The following FOXP1 variants were observed in gnomAD, a reference collection of about 807,000 sequenced individuals.
FOXP1 encodes the protein forkhead box P1, also known as forkhead box protein P1.
A neutral mutation model predicts 98.2 loss-of-function variants in FOXP1; 15 were observed. The observed-to-expected ratio is 0.15, with a 90% CI of 0.10 to 0.24. The LOEUF is 0.24. Among genes scored for constraint, FOXP1 ranks in the 10% least tolerant of loss-of-function variants. The pLI is 1.00. For synonymous variants in FOXP1, 371 were observed against 314.5 expected (o/e 1.18, Z -1.90); for missense variants, 633 against 848.5 (o/e 0.75, Z 3.15).
intron 7 of FOXP1, among the ~76,000 whole-genome samples, chr3:71,097,436 G>A (rs963558836): frequency 6.6e-6 from 1 of 152,076 alleles, no homozygotes; most frequent in African/African-American, 2.4e-5. Context: ...TCACTATCTG[G>A]CTCTTTACAG....
At chr3:71,032,134 G>A (rs1576311608) in intron 11 of FOXP1, among the ~76,000 whole-genome samples, 1 of 152,244 alleles carries the variant, frequency 6.6e-6, no homozygotes. Context: ...CGCAGTACCC[G>A]CCCGGCGCAG....
Position 71,058,233 on chromosome 3 carries a change from T to C in FOXP1, c.283-4460A>G, listed in dbSNP as rs184483830. On this transcript the variant is annotated intron_variant, in intron 7 of 20. Transcript: ENST00000649528. Reference sequence around the variant, plus strand: ...ATTTTCTTCTCTCTTCAGTTTACACTCCAGTCAACTACAAGTAAATACTAC... The same window carrying C: ...ATTTTCTTCTCTCTTCAGTTTACACCCCAGTCAACTACAAGTAAATACTAC... Among the ~76,000 whole-genome samples, 668 of 152,296 alleles carry C rather than the reference T, an allele frequency of 4.4e-3. 4 individuals carry two copies. Among genetic ancestry groups the C allele is most frequent in the African/African-American group, 0.016 (647 of 41,566 alleles).
chr3:71,242,666 T>G (rs903745125), intron 5 of FOXP1, among the ~76,000 whole-genome samples: 1 of 152,034 alleles, frequency 6.6e-6, no homozygotes, highest in African/African-American at 2.4e-5. Flanking sequence ...ATTGTCCCAT[T>G]TCTTAACAAC....
intron 3 of FOXP1, among the ~76,000 whole-genome samples, chr3:71,394,028 G>A (rs974274978): frequency 1.3e-5 from 2 of 152,136 alleles, no homozygotes; most frequent in Non-Finnish European, 2.9e-5. Context: ...AAATGTCTGC[G>A]GAGCAGAGCA....
chr3:71,078,235 T>G (rs982704001), intron 7 of FOXP1, among the ~76,000 whole-genome samples: 2 of 152,238 alleles, frequency 1.3e-5, no homozygotes, highest in Admixed American at 6.5e-5. Flanking sequence ...AAGGAAAAAG[T>G]AACTAAGTCC....
chr3:71,278,381 AG>A (rs779220168), intron 5 of FOXP1, among the ~76,000 whole-genome samples: 3 of 152,138 alleles, frequency 2.0e-5, no homozygotes, highest in Non-Finnish European at 4.4e-5. Context: ...AGGCTACAAA[AG>A]GTGGTCTATG....
chr3:71,212,201 G>A (rs2064528435), intron 5 of FOXP1, among the ~76,000 whole-genome samples: 2 of 152,256 alleles, frequency 1.3e-5, no homozygotes, highest in South Asian at 4.1e-4. Flanking sequence ...TTGAACCACA[G>A]TAATGCGAAT....
At chr3:71,377,441 T>C (rs556285610) in intron 3 of FOXP1, among the ~76,000 whole-genome samples, 2 of 152,312 alleles carry the variant, frequency 1.3e-5, no homozygotes, top group African/African-American at 4.8e-5. Flanking sequence ...ATAATCACAT[T>C]CAACCAATGG....
intron 5 of FOXP1, among the ~76,000 whole-genome samples, chr3:71,224,593 T>G (rs1159455098): frequency 6.6e-6 from 1 of 152,020 alleles, no homozygotes; most frequent in Non-Finnish European, 1.5e-5. Flanking sequence ...AAAAAACCAG[T>G]GAGACTGGAC....
intron 7 of FOXP1, among the ~76,000 whole-genome samples, chr3:71,106,008 C>T (rs2057393014): frequency 6.6e-6 from 1 of 152,118 alleles, no homozygotes; most frequent in Non-Finnish European, 1.5e-5. Flanking sequence ...AATAATTAAC[C>T]TCTTGACGGC....
At chr3:71,247,238 A>G (rs1370246581) in intron 5 of FOXP1, among the ~76,000 whole-genome samples, 1 of 152,198 alleles carries the variant, frequency 6.6e-6, no homozygotes, top group Non-Finnish European at 1.5e-5. Context: ...AAAGGGGGAA[A>G]TCCTGCCAGG....
At chr3:71,359,958 A>G (rs768581400) in intron 3 of FOXP1, among the ~76,000 whole-genome samples, 46 of 151,894 alleles carry the variant, frequency 3.0e-4, no homozygotes, top group Admixed American at 9.2e-4. Flanking sequence ...GTGTCTGGCT[A>G]ATTTTTGTAT....
At position 71,510,946 on chromosome 3, in the gene FOXP1, A is replaced by T. The variant is rs145828635; in HGVS notation, c.-297-17391T>A. On this transcript the variant is annotated intron_variant, in intron 2 of 20. Transcript: ENST00000649528. ...GTCTGAGATACGTGTGCTAAATTTA[A>T]AGAAACAACTATTATTAAACACCCC... is the stretch of plus-strand genomic sequence containing the variant. Among the ~76,000 whole-genome samples the T allele has an allele frequency of 3.0e-3, 458 of 152,326 alleles. 4 individuals carry two copies. The highest frequency in any genetic ancestry group is 3.9e-3 in the Non-Finnish European group (264 of 68,022).
chr3:71,286,905 T>C (rs1273212366), intron 5 of FOXP1, among the ~76,000 whole-genome samples: 2 of 152,204 alleles, frequency 1.3e-5, no homozygotes, highest in African/African-American at 2.4e-5. Flanking sequence ...CAACATCTTT[T>C]ATGAAACTCA....
At chr3:71,483,261 G>T (rs1440792366) in intron 3 of FOXP1, among the ~76,000 whole-genome samples, 1 of 152,012 alleles carries the variant, frequency 6.6e-6, no homozygotes, top group Non-Finnish European at 1.5e-5. Flanking sequence ...GTAAAGGAAG[G>T]ACCTCACTAA....
intron 5 of FOXP1, among the ~76,000 whole-genome samples, chr3:71,217,873 C>A (rs1398222822): frequency 1.3e-5 from 2 of 152,206 alleles, no homozygotes; most frequent in African/African-American, 4.8e-5. Context: ...CCAAACTCTA[C>A]TTCTCCCTCC....
At chr3:71,351,182 A>G (rs1577089482) in intron 4 of FOXP1, among the ~76,000 whole-genome samples, 1 of 152,224 alleles carries the variant, frequency 6.6e-6, no homozygotes, top group Admixed American at 6.5e-5. Context: ...GGAGCACAGC[A>G]CAGCCAGAAG....
chr3:70,959,261 C>G lies in FOXP1; in HGVS notation c.2020G>C (p.Glu674Gln), dbSNP rs368167189. 1.9e-6 allele frequency: 3 copies of G among 1,613,464 alleles called. No individual in the cohort carries two copies. Among genetic ancestry groups the G allele is most frequent in the Middle Eastern group, 1.7e-4 (1 of 6,060 alleles). The change falls in exon 21 of 21, where the codon GAG becomes CAG. Residue 674 changes from glutamate (E) to glutamine (Q), a missense_variant. Glu to Gln is a conservative substitution (Grantham distance 29). Around this residue, in one of 6 missense-constraint regions of FOXP1, gnomAD observed 150 missense variants for 163.7 expected, o/e 0.92. Coordinates refer to ENST00000649528, the MANE Select transcript of FOXP1 (RefSeq NM_001349338.3). ...CGCCCCGATAGTCACTCCATGTCCT[C>G]GTTTACTGGTTCATCTTCGTAATCT... is the stretch of plus-strand genomic sequence containing the variant. ...DRDYEDEPVN[E>Q]DME
chr3:71,168,047 A>G (rs916474749), intron 6 of FOXP1, among the ~76,000 whole-genome samples: 1 of 152,186 alleles, frequency 6.6e-6, no homozygotes, highest in Non-Finnish European at 1.5e-5. Context: ...ATTTTAATTA[A>G]GACGCATTTA....
Sources: allele counts gnomAD v4.1 joint callset (sites outside exome capture counted in the v4.1 genomes callset), GRCh38; gene constraint gnomAD v4.1.1; regional missense constraint gnomAD v4.1.1; transcripts MANE v1.5; gene names NCBI Gene and HGNC (gene_info 2026-07-23, HGNC 2026-07-21).